The following PCLO variants were observed in gnomAD, a reference collection of about 807,000 sequenced individuals.
PCLO encodes protein piccolo.
PCLO carries 82 observed loss-of-function variants against 427.5 expected under a neutral mutation model. The ratio of observed to expected loss-of-function variants is 0.19; its 90% CI spans 0.16 to 0.23. The LOEUF (loss-of-function observed/expected upper bound fraction) is 0.23. Among genes scored for constraint, PCLO ranks in the 10% least tolerant of loss-of-function variants. The pLI is 1.00. For synonymous variants in PCLO, 2,357 were observed against 2,155.4 expected (o/e 1.09, Z -2.59); for missense variants, 6,239 against 6,115.9 (o/e 1.02, Z -0.67).
chr7:83,012,333 G>A (rs1024720786), intron 3 of PCLO, among the ~76,000 whole-genome samples: 3 of 151,880 alleles, frequency 2.0e-5, no homozygotes, highest in Non-Finnish European at 4.4e-5. Context: ...TTAAGGAAAA[G>A]CCAGCCAGGT....
intron 20 of PCLO, among the ~76,000 whole-genome samples, chr7:82,819,889 A>G (rs908939694): frequency 2.8e-4 from 42 of 152,180 alleles, no homozygotes; most frequent in African/African-American, 9.6e-4. Context: ...TAGGGCTGAG[A>G]GGTACTTAAG....
At chr7:83,046,376 T>A (rs1184298181) in intron 3 of PCLO, among the ~76,000 whole-genome samples, 3 of 152,094 alleles carry the variant, frequency 2.0e-5, no homozygotes, top group Non-Finnish European at 4.4e-5. Flanking sequence ...TTCTCTGTTG[T>A]ATATATTTAC....
intron 6 of PCLO, among the ~76,000 whole-genome samples, chr7:82,946,276 A>G (rs1478144501): frequency 6.6e-6 from 1 of 152,214 alleles, no homozygotes; most frequent in Non-Finnish European, 1.5e-5. Flanking sequence ...TCTTCCCTTT[A>G]ATAAATTTAT....
chr7:83,156,556 T>C (rs1010070540), intron 1 of PCLO, among the ~76,000 whole-genome samples, 164 bp from the exon 2 acceptor site: 1 of 151,952 alleles, frequency 6.6e-6, no homozygotes, highest in Non-Finnish European at 1.5e-5. Context: ...ATAAAAGTTT[T>C]AATGCTTTTT....
chr7:82,805,083 T>C (rs556100506), intron 21 of PCLO, among the ~76,000 whole-genome samples: 1 of 127,138 alleles, frequency 7.9e-6, no homozygotes. Flanking sequence ...ATTTGCAAAA[T>C]GACTTTTTTT....
At chr7:82,923,306 G>C (rs1794640048) in intron 6 of PCLO, among the ~76,000 whole-genome samples, 1 of 151,974 alleles carries the variant, frequency 6.6e-6, no homozygotes, top group Admixed American at 6.6e-5. Context: ...TTGGGCTAGT[G>C]ATGCCTTAAT....
intron 3 of PCLO, among the ~76,000 whole-genome samples, chr7:82,991,354 C>T (rs765447282): frequency 1.8e-4 from 27 of 151,906 alleles, no homozygotes; most frequent in Admixed American, 2.6e-4. Flanking sequence ...AGGGAGACTC[C>T]GTCTCTAAAT....
intron 22 of PCLO, among the ~76,000 whole-genome samples, chr7:82,766,752 T>C (rs1790539649): frequency 6.6e-6 from 1 of 152,168 alleles, no homozygotes; most frequent in South Asian, 2.1e-4. Flanking sequence ...GCCTTCTCAC[T>C]TGGGGAGAAA....
At chr7:82,907,157 G>A (rs1279903106) in intron 8 of PCLO, among the ~76,000 whole-genome samples, 1 of 151,924 alleles carries the variant, frequency 6.6e-6, no homozygotes, top group African/African-American at 2.4e-5. Flanking sequence ...AAGAATATTA[G>A]TTTGATAAAT....
intron 3 of PCLO, among the ~76,000 whole-genome samples, chr7:83,023,035 T>C (rs1192468656): frequency 6.6e-6 from 1 of 152,184 alleles, no homozygotes; most frequent in Non-Finnish European, 1.5e-5. Flanking sequence ...TGTAAATGCA[T>C]ATATCAAATC....
Position 82,955,879 on chromosome 7 carries a change from A to G in PCLO, c.5074T>C (p.Tyr1692His). The G allele has an allele frequency of 1.2e-6, 2 of 1,613,904 alleles. No individual in the cohort carries two copies. The highest frequency in any genetic ancestry group is 1.7e-6 in the Non-Finnish European group (2 of 1,179,862). Residue 1692 changes from tyrosine (Y) to histidine (H), a missense_variant, in exon 5 of 25, where the codon TAT becomes CAT. Coordinates refer to ENST00000333891, the MANE Select transcript of PCLO (RefSeq NM_033026.6). ...TCCAATTCTGGCTCTTCGTCAAAAT[A>G]CAAACTTGTTTTTTTCTGTGATGAC... ...AESSQKKTSL[Y>H]FDEEPELEME...
intron 6 of PCLO, among the ~76,000 whole-genome samples, chr7:82,940,265 G>A (rs1299119134): frequency 2.0e-5 from 3 of 152,076 alleles, no homozygotes; most frequent in South Asian, 4.1e-4. Flanking sequence ...CAATACCATT[G>A]TTGTTTTTAT....
chr7:83,139,592 A>T (rs534333121), intron 2 of PCLO, among the ~76,000 whole-genome samples: 3 of 152,310 alleles, frequency 2.0e-5, no homozygotes, highest in African/African-American at 7.2e-5. Context: ...AGTTAGTAAA[A>T]ATGAGGTGGA....
rs1218737277 is a variant in PCLO, at chr7:82,915,479, G to A, written c.12507C>T (p.Leu4169=). The A allele has an allele frequency of 1.2e-5, 20 of 1,613,534 alleles. No homozygotes were observed. The highest frequency in any genetic ancestry group is 1.6e-5 in the Non-Finnish European group (19 of 1,179,680). The change falls in exon 7 of 25, where the codon CTC becomes CTT. Residue 4169 remains leucine, a synonymous_variant. Coordinates refer to ENST00000333891, the MANE Select transcript of PCLO (RefSeq NM_033026.6). ...PKSEKYSISR[L]TLEKQAAKQL... ...GTTTTGCTGCTTGTTTTTCAAGTGT[G>A]AGTCTACTGATGCTATACTTCTCAG...
intron 2 of PCLO, among the ~76,000 whole-genome samples, chr7:83,153,235 GTA>G (rs556600837): frequency 6.7e-6 from 1 of 150,266 alleles, no homozygotes; most frequent in Non-Finnish European, 1.5e-5. Flanking sequence ...GTATATATGT[GTA>G]TATATATAAA....
At chr7:83,139,059 C>T (rs961014556) in intron 2 of PCLO, among the ~76,000 whole-genome samples, 3 of 151,866 alleles carry the variant, frequency 2.0e-5, no homozygotes, top group Non-Finnish European at 2.9e-5. Context: ...TATATAATAG[C>T]GGAAAATATA....
At chr7:82,761,877 A>G (rs1258737165) in intron 22 of PCLO, among the ~76,000 whole-genome samples, 1 of 152,110 alleles carries the variant, frequency 6.6e-6, no homozygotes, top group African/African-American at 2.4e-5. Context: ...AAATGCATGT[A>G]GATAAATTTT....
Position 82,954,837 on chromosome 7 carries a change from C to G in PCLO, c.6116G>C (p.Ser2039Thr), listed in dbSNP as rs758599815. 6 of 1,613,882 alleles carry G rather than the reference C, an allele frequency of 3.7e-6. No individual in the cohort carries two copies. The South Asian group carries it at 4.4e-5, about 12-fold the overall frequency. Residue 2039 changes from serine to threonine, a missense_variant, in exon 5 of 25, where the codon AGC becomes ACC. Ser to Thr is a moderately conservative substitution (Grantham distance 58). Coordinates refer to ENST00000333891, the MANE Select transcript of PCLO (RefSeq NM_033026.6). The part of the protein sequence containing the change: ...IVSSSFIIPE[S>T]HEIVDLGTMV... ...AGTACCCAGGTCCACTATCTCATGGCTTTCTGGGATGATAAAAGAGCTTGA... is the reference window on the plus strand; with the variant it reads ...AGTACCCAGGTCCACTATCTCATGGGTTTCTGGGATGATAAAAGAGCTTGA...
At chr7:82,844,309 A>C (rs2115799315) in intron 13 of PCLO, among the ~76,000 whole-genome samples, 1 of 152,268 alleles carries the variant, frequency 6.6e-6, no homozygotes, top group South Asian at 2.1e-4. Flanking sequence ...TTATTTTAAA[A>C]TTTAGCCTAA....
Sources: allele counts gnomAD v4.1 joint callset (sites outside exome capture counted in the v4.1 genomes callset), GRCh38; gene constraint gnomAD v4.1.1; transcripts MANE v1.5; gene names NCBI Gene and HGNC (gene_info 2026-07-23, HGNC 2026-07-21).